Variants in TBC1D5 observed in about 807,000 individuals in gnomAD.
The protein encoded by TBC1D5 is TBC1 domain family member 5.
Under a neutral mutation model 100.3 loss-of-function variants are expected in TBC1D5, and 75 were observed. The ratio of observed to expected loss-of-function variants is 0.75; its 90% CI spans 0.62 to 0.91. The LOEUF (loss-of-function observed/expected upper bound fraction) is 0.91, where lower values mean the gene tolerates loss of function less well. Among genes scored for constraint, TBC1D5 ranks in the 40% least tolerant of loss-of-function variants. The pLI is 0.00. For synonymous variants in TBC1D5, 323 were observed against 325.6 expected (o/e 0.99, Z 0.09); for missense variants, 910 against 942.4 (o/e 0.97, Z 0.45).
At chr3:17,239,160 A>G (rs1412470722) in intron 16 of TBC1D5, among the ~76,000 whole-genome samples, 1 of 152,198 alleles carries the variant, frequency 6.6e-6, no homozygotes, top group African/African-American at 2.4e-5. Context: ...CTCTTTTGTT[A>G]ACTACTATAT....
At chr3:17,508,421 T>C (rs1022217954) in intron 3 of TBC1D5, 53 bp downstream of exon 3, 7 of 1,433,046 alleles carry the variant, frequency 4.9e-6, no homozygotes, top group Non-Finnish European at 6.9e-6. Context: ...GAGGGCCCTC[T>C]GCTAGGTTTC....
At chr3:17,532,355 T>C (rs1035531372) in intron 2 of TBC1D5, among the ~76,000 whole-genome samples, 3 of 152,272 alleles carry the variant, frequency 2.0e-5, no homozygotes, top group Admixed American at 6.5e-5. Flanking sequence ...GGAGAGGATG[T>C]AGAGAAACAG....
At chr3:17,406,660 T>C (rs1261236600) in intron 4 of TBC1D5, 134 bp from the exon 5 acceptor site, 1 of 690,938 alleles carries the variant, frequency 1.4e-6, no homozygotes, top group Non-Finnish European at 2.4e-6. Context: ...AGTTGTGTAC[T>C]GTTTCTGAAC....
At chr3:17,238,965 G>A (rs1414199002) in intron 16 of TBC1D5, among the ~76,000 whole-genome samples, 1 of 152,086 alleles carries the variant, frequency 6.6e-6, no homozygotes, top group East Asian at 1.9e-4. Context: ...ATTCCTAAAA[G>A]TTATGTCCTT....
intron 2 of TBC1D5, among the ~76,000 whole-genome samples, chr3:17,560,972 C>G (rs1419183894): frequency 6.6e-6 from 1 of 151,170 alleles, no homozygotes; most frequent in Non-Finnish European, 1.5e-5. Flanking sequence ...CAATACTAAA[C>G]TATAGTGTCT....
chr3:17,243,546 G>C (rs2076480186), intron 16 of TBC1D5, among the ~76,000 whole-genome samples: 1 of 151,908 alleles, frequency 6.6e-6, no homozygotes, highest in Non-Finnish European at 1.5e-5. Context: ...ATGAAAAAAA[G>C]ACTAAAAAAT....
chr3:17,706,084 C>T (rs568666624), intron 1 of TBC1D5: 41 of 1,603,866 alleles, frequency 2.6e-5, no homozygotes, highest in African/African-American at 4.0e-5. Flanking sequence ...CCAGACTGGG[C>T]GGCGGCCTCC....
intron 2 of TBC1D5, among the ~76,000 whole-genome samples, chr3:17,588,872 T>C (rs1446922064): frequency 6.6e-6 from 1 of 152,214 alleles, no homozygotes; most frequent in Non-Finnish European, 1.5e-5. Context: ...TACTTAAACC[T>C]TCTTGATTTC....
intron 15 of TBC1D5, among the ~76,000 whole-genome samples, chr3:17,277,965 T>TAA (rs1209460838): frequency 6.6e-6 from 1 of 152,202 alleles, no homozygotes; most frequent in Non-Finnish European, 1.5e-5. Context: ...AATAGTCCTA[T>TAA]AACTGAATGT....
At chr3:17,511,375 CATA>C (rs768501758) in intron 2 of TBC1D5, among the ~76,000 whole-genome samples, 1 of 151,908 alleles carries the variant, frequency 6.6e-6, no homozygotes, top group Non-Finnish European at 1.5e-5. Context: ...ACCATGTTTT[CATA>C]ATCTCAGTAG....
At chr3:17,700,163 A>AT (rs2072930613) in intron 1 of TBC1D5, 1 of 151,988 alleles carries the variant, frequency 6.6e-6, no homozygotes. Context: ...AGACAAAAAA[A>AT]AAAAAATACC....
intron 1 of TBC1D5, among the ~76,000 whole-genome samples, chr3:17,713,794 T>C (rs967288619): frequency 3.3e-5 from 5 of 152,090 alleles, no homozygotes; most frequent in African/African-American, 1.2e-4. Context: ...CTCAACATCA[T>C]TAGTCATCAT....
At chr3:17,741,751 T>C (rs971850622), upstream of TBC1D5, among the ~76,000 whole-genome samples, 3 of 151,788 alleles carry the variant, frequency 2.0e-5, no homozygotes, top group Non-Finnish European at 4.4e-5. Context: ...GGTCTGTGTG[T>C]TTTTCCAGGA....
At chr3:17,423,686 T>C (rs922795074) in intron 4 of TBC1D5, among the ~76,000 whole-genome samples, 2 of 134,392 alleles carry the variant, frequency 1.5e-5, no homozygotes, top group African/African-American at 6.8e-5. Flanking sequence ...AATAATGTCA[T>C]GTGAAATTAA....
At chr3:17,618,312 C>A (rs574152820) in intron 2 of TBC1D5, among the ~76,000 whole-genome samples, 6 of 152,146 alleles carry the variant, frequency 3.9e-5, no homozygotes, top group African/African-American at 1.4e-4. Flanking sequence ...AGGTGTCTGT[C>A]GGCCCATACT....
intron 13 of TBC1D5, among the ~76,000 whole-genome samples, chr3:17,309,629 T>C (rs1177023199): frequency 1.1e-4 from 17 of 152,056 alleles, no homozygotes; most frequent in Admixed American, 1.0e-3. Context: ...TGTGTTTACA[T>C]GGCTTAGGAA....
chr3:17,636,703 A>G (rs983905632), intron 1 of TBC1D5, among the ~76,000 whole-genome samples: 2 of 151,940 alleles, frequency 1.3e-5, no homozygotes, highest in Admixed American at 6.6e-5. Context: ...AGGGAGGCTG[A>G]GGCAGGAGAA....
intron 16 of TBC1D5, among the ~76,000 whole-genome samples, chr3:17,247,414 C>G (rs2076824669): frequency 6.6e-6 from 1 of 152,224 alleles, no homozygotes; most frequent in South Asian, 2.1e-4. Context: ...TGTGCAATAA[C>G]ACTATGTCTA....
intron 18 of TBC1D5, among the ~76,000 whole-genome samples, chr3:17,187,463 T>C (rs2069277646): frequency 6.6e-6 from 1 of 152,146 alleles, no homozygotes; most frequent in South Asian, 2.1e-4. Context: ...TTCTGGACTT[T>C]TCAGCCCAAG....
Sources: gnomAD v4.1 joint callset for allele counts (sites outside exome capture counted in the v4.1 genomes callset) on GRCh38, gnomAD v4.1.1 for gene constraint, MANE v1.5 for transcripts, NCBI Gene and HGNC (gene_info 2026-07-23, HGNC 2026-07-21) for gene names.